The following CACNA1D variants were observed in gnomAD, a reference collection of about 807,000 sequenced individuals.
CACNA1D encodes calcium voltage-gated channel subunit alpha1 D.
A neutral mutation model predicts 257.1 loss-of-function variants in CACNA1D; 55 were observed. The ratio of observed to expected loss-of-function variants is 0.21; its 90% confidence interval spans 0.17 to 0.27. CACNA1D has a LOEUF of 0.27. Among genes scored for constraint, CACNA1D ranks in the 10% least tolerant of loss-of-function variants. The probability of loss-of-function intolerance (pLI) is 1.00; values close to 1 mark genes in which losing one functional copy is unlikely to be tolerated. For missense variants in CACNA1D, 1,876 were observed against 2,784.0 expected, an observed-to-expected ratio of 0.67 and a Z score of 7.34; for synonymous variants, 980 against 1,014.9, an observed-to-expected ratio of 0.97 and a Z score of 0.65.
Position 53,730,489 on chromosome 3 carries a change from G to A in CACNA1D, c.2269G>A (p.Asp757Asn). Residue 757 changes from aspartate (D) to asparagine (N), a missense_variant, in exon 16 of 48, where the codon GAT becomes AAT. Transcript: ENST00000350061. ...GGCCATCGCTGTAGACAATTTGGCT[G>A]ATGCTGAAAGTCTGAACACTGCTCA... The part of the protein sequence containing the change: ...FLAIAVDNLA[D>N]AESLNTAQKE... The A allele has an allele frequency of 1.2e-6, 2 of 1,614,154 alleles. No homozygotes were observed. Among genetic ancestry groups the A allele is most frequent in the Non-Finnish European group, 1.7e-6 (2 of 1,179,946 alleles).
chr3:53,501,433 G>A (rs1041017376), intron 2 of CACNA1D, among the ~76,000 whole-genome samples, 182 bp from the exon 3 acceptor site: 2 of 152,128 alleles, frequency 1.3e-5, no homozygotes, highest in African/African-American at 4.8e-5. Context: ...AGGCTCCACT[G>A]TGAGATGACC....
chr3:53,772,927 GC>G, intron 33 of CACNA1D, 29 bp downstream of exon 33: 1 of 1,588,272 alleles, frequency 6.3e-7, no homozygotes, highest in Non-Finnish European at 8.6e-7. Context: ...GCCCTCAGGG[GC>G]CCTTTCACTG....
intron 8 of CACNA1D, among the ~76,000 whole-genome samples, chr3:53,691,731 T>TATATATATTACAG (rs2094522781): frequency 2.4e-5 from 1 of 42,312 alleles, no homozygotes; most frequent in Non-Finnish European, 4.8e-5. Context: ...ACATATATAA[T>TATATATATTACAG]ATATATATTA....
chr3:53,637,393 G>A (rs1179213204), intron 3 of CACNA1D, among the ~76,000 whole-genome samples: 1 of 152,012 alleles, frequency 6.6e-6, no homozygotes. Context: ...GCCATGTAAC[G>A]TTCCCTTTCT....
At chr3:53,748,390 TA>T (rs2095192210) in intron 26 of CACNA1D, among the ~76,000 whole-genome samples, 2 of 152,242 alleles carry the variant, frequency 1.3e-5, no homozygotes, top group East Asian at 3.9e-4. Context: ...GGAGCTCCTG[TA>T]GGATAAAGAG....
At chr3:53,526,641 A>G (rs1462494470) in intron 3 of CACNA1D, among the ~76,000 whole-genome samples, 1 of 152,230 alleles carries the variant, frequency 6.6e-6, no homozygotes, top group Admixed American at 6.5e-5. Context: ...GCTACGTTAC[A>G]CAGATAAACA....
At chr3:53,790,280 C>T (rs886147741) in intron 40 of CACNA1D, among the ~76,000 whole-genome samples, 9 of 152,172 alleles carry the variant, frequency 5.9e-5, no homozygotes, top group Admixed American at 2.6e-4. Context: ...GCAATGCATG[C>T]TGAATGTCCC....
chr3:53,605,535 A>T (rs976608809), intron 3 of CACNA1D, among the ~76,000 whole-genome samples: 1 of 152,222 alleles, frequency 6.6e-6, no homozygotes, highest in Admixed American at 6.5e-5. Flanking sequence ...ATGAATTCTG[A>T]TGCCTTCAGA....
intron 3 of CACNA1D, among the ~76,000 whole-genome samples, chr3:53,555,325 G>A (rs185349919): frequency 5.3e-5 from 8 of 152,200 alleles, no homozygotes; most frequent in South Asian, 4.1e-4. Flanking sequence ...AGTCACAGTC[G>A]TATAACAAGA....
At chr3:53,690,717 G>C (rs1356980023) in intron 8 of CACNA1D, among the ~76,000 whole-genome samples, 1 of 152,190 alleles carries the variant, frequency 6.6e-6, no homozygotes. Flanking sequence ...GCCAGTAGGG[G>C]GTTCAATTTC....
chr3:53,610,242 T>C (rs2093566862), intron 3 of CACNA1D, among the ~76,000 whole-genome samples: 1 of 152,236 alleles, frequency 6.6e-6, no homozygotes, highest in Non-Finnish European at 1.5e-5. Context: ...AAATGCCAGG[T>C]TCTATAAATT....
At chr3:53,773,325 C>G (rs2095377245) in intron 33 of CACNA1D, 1 of 264,312 alleles carries the variant, frequency 3.8e-6, no homozygotes, top group Non-Finnish European at 7.4e-6. Context: ...AGTAGCTCAC[C>G]TTTAAAAAGA....
chr3:53,660,334 T>A, intron 5 of CACNA1D, 59 bp downstream of exon 5: 1 of 1,566,730 alleles, frequency 6.4e-7, no homozygotes, highest in Admixed American at 1.7e-5. Context: ...CCAGGTGGGT[T>A]TCAGAATCAC....
At chr3:53,637,881 A>C (rs147070857) in intron 3 of CACNA1D, among the ~76,000 whole-genome samples, 1 of 152,254 alleles carries the variant, frequency 6.6e-6, no homozygotes. Flanking sequence ...ACTTGGTAAT[A>C]CTAAAGCAAT....
rs778855715 is a variant in CACNA1D, at chr3:53,501,736, G to T, written c.483+16G>T. ...TCATAACTTGGTAAGTGTCCTTAGA[G>T]TTCCTGCTGGTCCTGGTATATGGTT... On this transcript the variant is annotated intron_variant, in intron 3 of 47. Coordinates refer to ENST00000350061, the MANE Select transcript of CACNA1D (RefSeq NM_001128840.3). 2 of 1,294,876 alleles carry T rather than the reference G, an allele frequency of 1.5e-6. No individual in the cohort carries two copies. The highest frequency in any genetic ancestry group is 2.4e-5 in the South Asian group (2 of 84,590). 80.2% of individuals were successfully genotyped at this position (1,294,876 alleles called of 1,614,324 possible).
chr3:53,692,940 T>G (rs1269731701), intron 8 of CACNA1D, among the ~76,000 whole-genome samples: 1 of 152,028 alleles, frequency 6.6e-6, no homozygotes, highest in Non-Finnish European at 1.5e-5. Flanking sequence ...CACCTGTAAT[T>G]CCAGCTGCTT....
intron 3 of CACNA1D, among the ~76,000 whole-genome samples, chr3:53,556,229 G>A (rs1188669838): frequency 6.6e-6 from 1 of 152,182 alleles, no homozygotes; most frequent in East Asian, 1.9e-4. Context: ...TTATAAAAAG[G>A]TGCTAGAAAC....
intron 3 of CACNA1D, among the ~76,000 whole-genome samples, chr3:53,528,316 C>T (rs1420323859): frequency 6.6e-6 from 1 of 152,108 alleles, no homozygotes; most frequent in Non-Finnish European, 1.5e-5. Context: ...GCTTTGGTAC[C>T]TTTATTGAAA....
chr3:53,550,584 T>C (rs1258946631), intron 3 of CACNA1D, among the ~76,000 whole-genome samples: 1 of 152,218 alleles, frequency 6.6e-6, no homozygotes, highest in African/African-American at 2.4e-5. Context: ...GTGTGCAACA[T>C]GGTTTTAGAA....
Sources: allele counts gnomAD v4.1 joint callset (sites outside exome capture counted in the v4.1 genomes callset), GRCh38; gene constraint gnomAD v4.1.1; transcripts MANE v1.5; gene names NCBI Gene and HGNC (gene_info 2026-07-23, HGNC 2026-07-21).